ST6GALNAC3: variants seen among roughly 807,000 people sequenced by gnomAD.
ST6GALNAC3 encodes the protein ST6 N-acetylgalactosaminide alpha-2,6-sialyltransferase 3, also known as alpha-N-acetylgalactosaminide alpha-2,6-sialyltransferase 3.
A neutral mutation model predicts 32.7 loss-of-function variants in ST6GALNAC3; 25 were observed. The ratio of observed to expected loss-of-function variants is 0.76; its 90% CI spans 0.56 to 1.07. ST6GALNAC3 has a LOEUF of 1.07. ST6GALNAC3 is among the 50% of genes least tolerant of loss of function. The probability of loss-of-function intolerance (pLI) is 0.00; values close to 1 mark genes in which losing one functional copy is unlikely to be tolerated. For missense variants in ST6GALNAC3, 355 were observed against 382.4 expected (o/e 0.93, Z 0.60); for synonymous variants, 129 against 133.1 (o/e 0.97, Z 0.21).
intron 1 of ST6GALNAC3, among the ~76,000 whole-genome samples, chr1:76,296,407 A>G (rs1243645431): frequency 6.6e-6 from 1 of 152,126 alleles, no homozygotes; most frequent in African/African-American, 2.4e-5. Flanking sequence ...TTCTAAGGAA[A>G]TGTCTTTGGG....
In ST6GALNAC3 at chr1:76,126,070, C is replaced by T. The variant is rs193230868; in HGVS notation, c.18+51186C>T. On this transcript the variant is annotated intron_variant, in intron 1 of 4. Coordinates refer to ENST00000328299, the MANE Select transcript of ST6GALNAC3 (RefSeq NM_152996.4). ...TCAAGACTTAAGTTAATATAGAGAC[C>T]CCCCAAGATAGTATAGGGCCTCATT... Among the ~76,000 whole-genome samples, 17 of 152,166 alleles carry T rather than the reference C, an allele frequency of 1.1e-4. 1 individual carries two copies. In the East Asian group the frequency reaches 3.1e-3, roughly 28 times the overall value.
At chr1:76,164,352 C>T (rs1651995475) in intron 1 of ST6GALNAC3, among the ~76,000 whole-genome samples, 1 of 152,078 alleles carries the variant, frequency 6.6e-6, no homozygotes, top group Admixed American at 6.6e-5. Context: ...CCAATAGGGC[C>T]CTGCCCAACT....
Position 76,186,964 on chromosome 1 carries a change from C to T in ST6GALNAC3, c.18+112080C>T, listed in dbSNP as rs529124662. Among the ~76,000 whole-genome samples the T allele has an allele frequency of 2.6e-4, 40 of 152,294 alleles. 1 individual carries two copies. Among genetic ancestry groups the T allele is most frequent in the African/African-American group, 9.1e-4 (38 of 41,572 alleles). On this transcript the variant is annotated intron_variant, in intron 1 of 4. Coordinates refer to ENST00000328299, the MANE Select transcript of ST6GALNAC3 (RefSeq NM_152996.4). The stretch of plus-strand genomic sequence containing the variant: ...CAACTGCTGCCATAATATCACATTT[C>T]GTTTCCAAGGAAACTGCATATCCAT...
chr1:76,441,724 A>C (rs1344453665), intron 3 of ST6GALNAC3, among the ~76,000 whole-genome samples: 1 of 152,046 alleles, frequency 6.6e-6, no homozygotes, highest in Non-Finnish European at 1.5e-5. Context: ...CATTATTTCT[A>C]ATTTTTTGTA....
At chr1:76,470,131 G>A (rs1332807231) in intron 3 of ST6GALNAC3, among the ~76,000 whole-genome samples, 3 of 152,002 alleles carry the variant, frequency 2.0e-5, no homozygotes, top group Admixed American at 6.6e-5. Context: ...CTGATGACCT[G>A]TTAACAATAA....
At chr1:76,163,966 C>G (rs1012077550) in intron 1 of ST6GALNAC3, among the ~76,000 whole-genome samples, 48 of 152,154 alleles carry the variant, frequency 3.2e-4, no homozygotes, top group African/African-American at 1.1e-3. Context: ...TATTTTGCTA[C>G]TTTTACACAT....
chr1:76,545,754 T>A (rs1664257910), intron 3 of ST6GALNAC3, among the ~76,000 whole-genome samples: 1 of 151,912 alleles, frequency 6.6e-6, no homozygotes, highest in African/African-American at 2.4e-5. Flanking sequence ...CCTCTCAGGT[T>A]CAAGTGATTC....
In ST6GALNAC3 at chr1:76,628,603, T is replaced by A; in HGVS notation, c.732-17T>A. On this transcript the variant is annotated splice_polypyrimidine_tract_variant and intron_variant, in intron 4 of 4. Transcript: ENST00000328299. Reference sequence around the variant, plus strand: ...CATCTCAATCTTTCTCTCCTTTTCTTTTTTTTTCTTTTCTAGGACAGAAGG... The same window carrying A: ...CATCTCAATCTTTCTCTCCTTTTCTATTTTTTTCTTTTCTAGGACAGAAGG... 2 of 1,561,408 alleles carry A rather than the reference T, an allele frequency of 1.3e-6. No homozygotes were observed. The highest frequency in any genetic ancestry group is 1.7e-6 in the Non-Finnish European group (2 of 1,162,592).
intron 3 of ST6GALNAC3, among the ~76,000 whole-genome samples, chr1:76,549,912 G>A (rs1664522426): frequency 6.6e-6 from 1 of 152,136 alleles, no homozygotes; most frequent in Non-Finnish European, 1.5e-5. Context: ...ATTTTATTTT[G>A]TGTTTCCCTG....
At chr1:76,490,123 C>G (rs1470218296) in intron 3 of ST6GALNAC3, among the ~76,000 whole-genome samples, 1 of 152,164 alleles carries the variant, frequency 6.6e-6, no homozygotes, top group Non-Finnish European at 1.5e-5. Context: ...TCAGTCCTCT[C>G]TATCTCCTGA....
At chr1:76,278,284 C>T (rs1246004569) in intron 1 of ST6GALNAC3, among the ~76,000 whole-genome samples, 4 of 121,382 alleles carry the variant, frequency 3.3e-5, no homozygotes, top group African/African-American at 1.9e-4. Flanking sequence ...TGCAGTGGCG[C>T]GATCTCGGCT....
At chr1:76,339,802 A>G (rs1268433822) in intron 2 of ST6GALNAC3, among the ~76,000 whole-genome samples, 2 of 152,102 alleles carry the variant, frequency 1.3e-5, no homozygotes, top group Non-Finnish European at 2.9e-5. Flanking sequence ...AAATACAGAA[A>G]TCTACAGTGA....
intron 1 of ST6GALNAC3, among the ~76,000 whole-genome samples, chr1:76,081,109 C>T (rs1393147441): frequency 6.6e-6 from 1 of 152,020 alleles, no homozygotes; most frequent in African/African-American, 2.4e-5. Flanking sequence ...GTTCAGAAAA[C>T]CTAAGTAAAT....
intron 1 of ST6GALNAC3, among the ~76,000 whole-genome samples, chr1:76,172,394 A>G (rs1652577049): frequency 6.6e-6 from 1 of 152,236 alleles, no homozygotes; most frequent in African/African-American, 2.4e-5. Context: ...TTGAATGGGC[A>G]AAAGCTGGAA....
chr1:76,091,262 G>A (rs1647041294), intron 1 of ST6GALNAC3, among the ~76,000 whole-genome samples: 1 of 152,204 alleles, frequency 6.6e-6, no homozygotes, highest in South Asian at 2.1e-4. Context: ...GGCAAATAAA[G>A]CTATTAATGT....
chr1:76,418,472 C>G (rs569263072), intron 3 of ST6GALNAC3, among the ~76,000 whole-genome samples: 1 of 151,902 alleles, frequency 6.6e-6, no homozygotes. Context: ...ATAGTTTGCC[C>G]GAAGAAATGC....
rs1042950644 is a variant in ST6GALNAC3, at chr1:76,602,206, A to G, written c.624-25246A>G. ...ACATAGGAATGAGTTTCAGTGTGCA[A>G]GTCTGACAGGGTAGGTTCACCTGAG... On this transcript the variant is annotated intron_variant, in intron 3 of 4. Coordinates refer to ENST00000328299, the MANE Select transcript of ST6GALNAC3 (RefSeq NM_152996.4). Among the ~76,000 whole-genome samples the G allele has an allele frequency of 3.9e-5, 6 of 152,152 alleles. No homozygotes were observed. In the South Asian group the frequency reaches 1.2e-3, roughly 32 times the overall value.
chr1:76,594,157 G>A (rs1477617666), intron 3 of ST6GALNAC3, among the ~76,000 whole-genome samples: 1 of 152,064 alleles, frequency 6.6e-6, no homozygotes, highest in African/African-American at 2.4e-5. Context: ...ATGGCTCGTG[G>A]AAATAAATAT....
chr1:76,568,223 T>A (rs2100473144), intron 3 of ST6GALNAC3, among the ~76,000 whole-genome samples: 1 of 152,284 alleles, frequency 6.6e-6, no homozygotes, highest in South Asian at 2.1e-4. Flanking sequence ...AGAGGTCTAG[T>A]GGCTTGCCCA....
Sources: allele counts gnomAD v4.1 joint callset (sites outside exome capture counted in the v4.1 genomes callset), GRCh38; gene constraint gnomAD v4.1.1; transcripts MANE v1.5; gene names NCBI Gene and HGNC (gene_info 2026-07-23, HGNC 2026-07-21).